NCAM2: variants seen among roughly 807,000 people sequenced by gnomAD.
The protein encoded by NCAM2 is neural cell adhesion molecule 2.
In NCAM2, 30 loss-of-function variants were observed where a neutral mutation model predicts 98.1. The ratio of observed to expected loss-of-function variants is 0.31; its 90% confidence interval spans 0.23 to 0.41. NCAM2 has a LOEUF of 0.41. Ranked by LOEUF, NCAM2 falls within the 10% of genes least tolerant of loss-of-function variation. The pLI is 1.00. For synonymous variants in NCAM2, 368 were observed against 342.4 expected (o/e 1.07, Z -0.83); for missense variants, 867 against 1,005.8 (o/e 0.86, Z 1.87).
At chr21:21,296,660 G>T (rs1411476293) in intron 5 of NCAM2, among the ~76,000 whole-genome samples, 1 of 151,654 alleles carries the variant, frequency 6.6e-6, no homozygotes, top group African/African-American at 2.4e-5. Context: ...AAGGATATTG[G>T]CAGGGAGAAA....
Position 21,335,628 on chromosome 21 carries a change from A to G in NCAM2, c.861A>G (p.Ala287=). 6.2e-7 allele frequency: 1 copy of G among 1,608,782 alleles called. No individual in the cohort carries two copies. Residue 287 remains alanine, a synonymous_variant, in exon 7 of 18, where the codon GCA becomes GCG. Coordinates refer to ENST00000400546, the MANE Select transcript of NCAM2 (RefSeq NM_004540.5). ...ATGTCTGCAGGGCCACAAATAAGGC[A>G]GGAGAAGATGAAAAGCAAGCTTTCC... ...GPYVCRATNK[A]GEDEKQAFLQ...
intron 15 of NCAM2, among the ~76,000 whole-genome samples, chr21:21,496,999 G>A (rs1026615104): frequency 2.6e-5 from 4 of 151,752 alleles, no homozygotes; most frequent in African/African-American, 9.7e-5. Flanking sequence ...AGAAAATGTG[G>A]CACATCTGCA....
At chr21:21,108,631 T>A (rs2066396098) in intron 1 of NCAM2, among the ~76,000 whole-genome samples, 1 of 152,076 alleles carries the variant, frequency 6.6e-6, no homozygotes, top group Non-Finnish European at 1.5e-5. Context: ...AAATTCTAAT[T>A]TGTTGTGAAT....
At chr21:21,123,300 A>G (rs1227810745) in intron 1 of NCAM2, among the ~76,000 whole-genome samples, 1 of 151,980 alleles carries the variant, frequency 6.6e-6, no homozygotes, top group African/African-American at 2.4e-5. Context: ...AGGCTGAGGC[A>G]GGAGAATGGC....
intron 16 of NCAM2, among the ~76,000 whole-genome samples, chr21:21,523,112 C>A (rs562235208): frequency 1.9e-4 from 29 of 152,226 alleles, no homozygotes; most frequent in African/African-American, 6.7e-4. Flanking sequence ...GAATAGTTTG[C>A]AAATATTTTT....
intron 9 of NCAM2, among the ~76,000 whole-genome samples, chr21:21,374,277 A>G (rs543543613): frequency 6.6e-6 from 1 of 151,972 alleles, no homozygotes; most frequent in East Asian, 1.9e-4. Flanking sequence ...TGAACTCAAA[A>G]CACAGTATCA....
chr21:21,400,625 G>A (rs56872675), intron 9 of NCAM2, among the ~76,000 whole-genome samples: 43 of 145,066 alleles, frequency 3.0e-4, no homozygotes, highest in African/African-American at 6.4e-4. Context: ...AGATGGAGTC[G>A]CCCAGGCTGG....
At chr21:21,063,908 G>A (rs1222823283) in intron 1 of NCAM2, among the ~76,000 whole-genome samples, 1 of 152,106 alleles carries the variant, frequency 6.6e-6, no homozygotes, top group African/African-American at 2.4e-5. Context: ...CTGGCCATGG[G>A]CATGTGATAT....
chr21:21,207,682 T>C (rs2147063135), intron 1 of NCAM2, among the ~76,000 whole-genome samples: 1 of 152,248 alleles, frequency 6.6e-6, no homozygotes, highest in Non-Finnish European at 1.5e-5. Flanking sequence ...TCCAAATACC[T>C]ATTCCAGGAT....
At chr21:21,233,541 C>G (rs1375604378) in intron 1 of NCAM2, among the ~76,000 whole-genome samples, 1 of 151,514 alleles carries the variant, frequency 6.6e-6, no homozygotes. Context: ...TAATAAGATA[C>G]TACAAAATTT....
intron 1 of NCAM2, among the ~76,000 whole-genome samples, chr21:21,007,667 C>G (rs1017158121): frequency 6.6e-6 from 1 of 152,112 alleles, no homozygotes; most frequent in Non-Finnish European, 1.5e-5. Context: ...CATGTGAATG[C>G]GTTGTAACTA....
rs1382524453 is a variant in NCAM2, at chr21:21,261,940, AAAC to A, written c.56-18635_56-18633del. On this transcript the variant is annotated intron_variant, in intron 1 of 17. Transcript: ENST00000400546. ...TAAAAAGTTAATTATTTGAAAGGTTAAACAAAGGTGATAGATGGCTAGCTAGAT... is the reference window on the plus strand; with the variant it reads ...TAAAAAGTTAATTATTTGAAAGGTTAAAAGGTGATAGATGGCTAGCTAGAT... Among the ~76,000 whole-genome samples, 324 of 152,298 alleles carry A rather than the reference AAAC, an allele frequency of 2.1e-3. 3 individuals carry two copies. The highest frequency in any genetic ancestry group is 7.4e-3 in the African/African-American group (306 of 41,578).
chr21:21,465,862 T>G (rs1460092), intron 12 of NCAM2, among the ~76,000 whole-genome samples: 84,963 of 151,784 alleles, frequency 0.56, 25,173 homozygotes, highest in African/African-American at 0.7. Context: ...AGATGAATTT[T>G]TGAAGATGTA....
chr21:21,277,608 C>A (rs1241262759), intron 1 of NCAM2, among the ~76,000 whole-genome samples: 1 of 151,882 alleles, frequency 6.6e-6, no homozygotes, highest in African/African-American at 2.4e-5. Flanking sequence ...CCTAGGTGAT[C>A]ATAGCTGCAG....
chr21:21,195,089 G>C (rs2068958249), intron 1 of NCAM2, among the ~76,000 whole-genome samples: 1 of 152,078 alleles, frequency 6.6e-6, no homozygotes, highest in Non-Finnish European at 1.5e-5. Flanking sequence ...TTAAGATTAG[G>C]GAATGAGTGT....
At chr21:21,232,847 A>T (rs1330600076) in intron 1 of NCAM2, among the ~76,000 whole-genome samples, 1 of 151,668 alleles carries the variant, frequency 6.6e-6, no homozygotes, top group Non-Finnish European at 1.5e-5. Flanking sequence ...GACTTAAAAA[A>T]ATTCCAGTCT....
chr21:21,419,758 C>T (rs1236281023), intron 11 of NCAM2, among the ~76,000 whole-genome samples: 2 of 152,026 alleles, frequency 1.3e-5, no homozygotes, highest in East Asian at 3.9e-4. Flanking sequence ...TCCAGTCTAT[C>T]ATTGCTGGAC....
At chr21:21,496,385 A>T (rs1163882157) in intron 15 of NCAM2, among the ~76,000 whole-genome samples, 9 of 151,874 alleles carry the variant, frequency 5.9e-5, no homozygotes, top group Admixed American at 5.9e-4. Context: ...GCATTTTTTC[A>T]TATGTTTAAT....
At chr21:21,484,652 A>G (rs1404391721) in intron 15 of NCAM2, among the ~76,000 whole-genome samples, 1 of 152,148 alleles carries the variant, frequency 6.6e-6, no homozygotes, top group Non-Finnish European at 1.5e-5. Context: ...TTATAATAAA[A>G]TATTTCCTAA....
Sources: allele counts gnomAD v4.1 joint callset (sites outside exome capture counted in the v4.1 genomes callset), GRCh38; gene constraint gnomAD v4.1.1; transcripts MANE v1.5; gene names NCBI Gene and HGNC (gene_info 2026-07-23, HGNC 2026-07-21).